The following TMEM229B variants were observed in gnomAD, a reference collection of about 807,000 sequenced individuals.
The protein encoded by TMEM229B is transmembrane protein 229B.
Under a neutral mutation model 13.7 loss-of-function variants are expected in TMEM229B, and 6 were observed. The ratio of observed to expected loss-of-function variants is 0.44; its 90% confidence interval spans 0.24 to 0.86. TMEM229B has a LOEUF of 0.86. Ranked by LOEUF, TMEM229B falls within the 40% of genes least tolerant of loss-of-function variation. The pLI is 0.23. For synonymous variants in TMEM229B, 107 were observed against 102.1 expected, an observed-to-expected ratio of 1.05 and a Z score of -0.29; for missense variants, 170 against 236.0, an observed-to-expected ratio of 0.72 and a Z score of 1.83.
chr14:67,475,869 T>C (rs1315065492), intron 2 of TMEM229B, among the ~76,000 whole-genome samples: 2 of 152,238 alleles, frequency 1.3e-5, no homozygotes, highest in African/African-American at 2.4e-5. Flanking sequence ...CAATGGCTTT[T>C]TGAGGTATGT....
intron 1 of TMEM229B, among the ~76,000 whole-genome samples, chr14:67,496,684 CTCCT>C (rs1424665846): frequency 1.3e-5 from 2 of 150,308 alleles, no homozygotes; most frequent in Non-Finnish European, 3.0e-5. Context: ...TCCTTCCTCC[CTCCT>C]TTCTTCCTAT....
chr14:67,515,699 G>A (rs1566704151), upstream of TMEM229B, among the ~76,000 whole-genome samples: 4 of 152,222 alleles, frequency 2.6e-5, no homozygotes. Flanking sequence ...CTGCATTTGA[G>A]TGTCTGTCAG....
chr14:67,478,373 A>C (rs538709557), intron 2 of TMEM229B, among the ~76,000 whole-genome samples: 2 of 152,246 alleles, frequency 1.3e-5, no homozygotes, highest in East Asian at 3.9e-4. Flanking sequence ...TTTGGGATCC[A>C]TCCCCTCCTC....
chr14:67,475,745 T>G (rs1378887087), intron 2 of TMEM229B, among the ~76,000 whole-genome samples: 2 of 152,152 alleles, frequency 1.3e-5, no homozygotes, highest in Non-Finnish European at 2.9e-5. Flanking sequence ...TCCCCTCTTT[T>G]AAACCCCACC....
At chr14:67,520,853 GT>G (rs1239209057) in intron 1 of TMEM229B, among the ~76,000 whole-genome samples, 1 of 152,266 alleles carries the variant, frequency 6.6e-6, no homozygotes, top group East Asian at 1.9e-4. Flanking sequence ...CCTGGATTGT[GT>G]GGTGAGAGTA....
At chr14:67,504,957 G>T (rs2140213775) in intron 1 of TMEM229B, among the ~76,000 whole-genome samples, 1 of 152,246 alleles carries the variant, frequency 6.6e-6, no homozygotes, top group South Asian at 2.1e-4. Context: ...GTGCATTGCT[G>T]TGTTGCTTTT....
intron 1 of TMEM229B, among the ~76,000 whole-genome samples, chr14:67,530,934 G>A (rs1280130849): frequency 6.6e-6 from 1 of 152,226 alleles, no homozygotes; most frequent in Non-Finnish European, 1.5e-5. Flanking sequence ...TCCCATGGCA[G>A]CTAATACAAT....
chr14:67,492,755 G>T (rs1046294490), upstream of TMEM229B, among the ~76,000 whole-genome samples: 1 of 152,192 alleles, frequency 6.6e-6, no homozygotes, highest in Non-Finnish European at 1.5e-5. Context: ...GAAGTCCTGT[G>T]GTAGCTGGTT....
intron 2 of TMEM229B, among the ~76,000 whole-genome samples, chr14:67,477,384 C>A (rs1427033102): frequency 6.6e-6 from 1 of 152,178 alleles, no homozygotes; most frequent in Non-Finnish European, 1.5e-5. Flanking sequence ...TGAGTATAAA[C>A]CAGCTTGCAG....
chr14:67,531,073 C>T (rs2033436245), intron 1 of TMEM229B, among the ~76,000 whole-genome samples: 1 of 152,174 alleles, frequency 6.6e-6, no homozygotes, highest in Non-Finnish European at 1.5e-5. Context: ...TCTCTCTGTT[C>T]CATCCTCCAT....
chr14:67,474,151 C>T (rs1283573150), intron 2 of TMEM229B, among the ~76,000 whole-genome samples: 2 of 152,050 alleles, frequency 1.3e-5, no homozygotes, highest in East Asian at 1.9e-4. Flanking sequence ...ACTTGGGAAG[C>T]TGAGGCAGAA....
chr14:67,510,377 C>T (rs532098173), intron 1 of TMEM229B, among the ~76,000 whole-genome samples: 3 of 152,272 alleles, frequency 2.0e-5, no homozygotes, highest in South Asian at 4.1e-4. Context: ...CAACCATCAG[C>T]TCACACACAG....
intron 1 of TMEM229B, among the ~76,000 whole-genome samples, chr14:67,511,882 T>C (rs2033038515): frequency 6.6e-6 from 1 of 152,246 alleles, no homozygotes; most frequent in African/African-American, 2.4e-5. Context: ...CTTTTCCATC[T>C]TGGAAATGTG....
chr14:67,514,832 G>C (rs1012965348), intron 1 of TMEM229B, among the ~76,000 whole-genome samples: 3 of 152,018 alleles, frequency 2.0e-5, no homozygotes, highest in Non-Finnish European at 4.4e-5. Context: ...CCCCCTGTGC[G>C]CCCATCCCCC....
intron 1 of TMEM229B, among the ~76,000 whole-genome samples, chr14:67,500,533 C>T (rs912865151): frequency 4.6e-5 from 7 of 151,502 alleles, no homozygotes; most frequent in African/African-American, 1.7e-4. Context: ...CTTTATTGTG[C>T]GTTTCTGTGT....
upstream of TMEM229B, among the ~76,000 whole-genome samples, chr14:67,519,713 TG>T (rs1194499781): frequency 1.9e-4 from 14 of 73,076 alleles, no homozygotes; most frequent in Admixed American, 1.8e-3. Flanking sequence ...CCTGTAAGTT[TG>T]TTTTTTTTTT....
At chr14:67,491,858 C>G (rs1004115691), upstream of TMEM229B, among the ~76,000 whole-genome samples, 2 of 152,210 alleles carry the variant, frequency 1.3e-5, no homozygotes, top group Non-Finnish European at 2.9e-5. Context: ...CTGTGTCTGT[C>G]CAGCTCCCCC....
At chr14:67,519,731 C>CT (rs914144223), upstream of TMEM229B, among the ~76,000 whole-genome samples, 4 of 128,494 alleles carry the variant, frequency 3.1e-5, no homozygotes, top group African/African-American at 5.6e-5. Flanking sequence ...TTTTTTTTTA[C>CT]TTTTTTTTTG....
upstream of TMEM229B, among the ~76,000 whole-genome samples, chr14:67,491,430 G>C (rs1243805814): frequency 6.6e-6 from 1 of 152,138 alleles, no homozygotes. Flanking sequence ...TCCATCCTGA[G>C]GCTGTCTAGC....
Sources: allele counts gnomAD v4.1 joint callset (sites outside exome capture counted in the v4.1 genomes callset), GRCh38; gene constraint gnomAD v4.1.1; transcripts MANE v1.5; gene names NCBI Gene and HGNC (gene_info 2026-07-23, HGNC 2026-07-21).